SLC17A3: variants seen among roughly 807,000 people sequenced by gnomAD.
SLC17A3 encodes the protein solute carrier family 17 member 3.
Under a neutral mutation model 60.3 loss-of-function variants are expected in SLC17A3, and 61 were observed. The ratio of observed to expected loss-of-function variants is 1.01; its 90% CI spans 0.82 to 1.25. SLC17A3 has a LOEUF of 1.25. Ranked by LOEUF, SLC17A3 falls within the 50% of genes most tolerant of loss-of-function variation. The pLI, the probability that SLC17A3 is intolerant of heterozygous loss-of-function variation, is 0.00. For missense variants in SLC17A3, 624 were observed against 594.9 expected, an observed-to-expected ratio of 1.05 and a Z score of -0.51; for synonymous variants, 192 against 208.9, an observed-to-expected ratio of 0.92 and a Z score of 0.70.
chr6:25,862,073 G>A (rs146475767), intron 3 of SLC17A3, 44 bp from the exon 4 acceptor site: 658 of 1,494,248 alleles, frequency 4.4e-4, no homozygotes, highest in Non-Finnish European at 5.7e-4. Flanking sequence ...ACACAAAAAG[G>A]TTCTTACATA....
At chr6:25,850,706 C>A in intron 7 of SLC17A3, 53 bp downstream of exon 7, 1 of 1,604,358 alleles carries the variant, frequency 6.2e-7, no homozygotes, top group South Asian at 1.1e-5. Context: ...TTTAAGGCCT[C>A]AAGAAAATCC....
At chr6:25,856,494 C>A (rs1179256057) in intron 5 of SLC17A3, among the ~76,000 whole-genome samples, 1 of 152,200 alleles carries the variant, frequency 6.6e-6, no homozygotes, top group Non-Finnish European at 1.5e-5. Context: ...CCATCTTGGC[C>A]TCCCAAAGCA....
intron 5 of SLC17A3, among the ~76,000 whole-genome samples, chr6:25,860,049 C>T (rs1159530827): frequency 1.3e-5 from 2 of 152,098 alleles, no homozygotes; most frequent in Non-Finnish European, 2.9e-5. Context: ...ATTCATACAA[C>T]ATTTGTGTTT....
At chr6:25,865,738 G>C (rs1405453722) in intron 2 of SLC17A3, among the ~76,000 whole-genome samples, 1 of 151,952 alleles carries the variant, frequency 6.6e-6, no homozygotes, top group Non-Finnish European at 1.5e-5. Context: ...CATTCTGAAT[G>C]AACTATACCA....
Position 25,850,864 on chromosome 6 carries a change from A to C in SLC17A3, c.726T>G (p.Cys242Trp). ...FVFYIFGGVG[C>W]VCCLLWFVVI... is the part of the protein sequence containing the mutation. ...CAACAAACCAGAGAAGGCAGCAGACACAGCCAACACCTCCTGTAAGCACAG... is the reference window on the plus strand; with the variant it reads ...CAACAAACCAGAGAAGGCAGCAGACCCAGCCAACACCTCCTGTAAGCACAG... The change falls in exon 7 of 13, where the codon TGT becomes TGG. Residue 242 changes from cysteine (C) to tryptophan (W), a missense_variant. Coordinates refer to ENST00000397060, the MANE Select transcript of SLC17A3 (RefSeq NM_001098486.2). 1.9e-6 allele frequency: 3 copies of C among 1,614,026 alleles called. No individual in the cohort carries two copies. The highest frequency in any genetic ancestry group is 2.5e-6 in the Non-Finnish European group (3 of 1,179,872).
intron 4 of SLC17A3, 32 bp downstream of exon 4, chr6:25,861,764 T>G (rs1216389390): frequency 6.2e-7 from 1 of 1,610,456 alleles, no homozygotes; most frequent in Admixed American, 1.7e-5. Context: ...TAGAAATTCA[T>G]ATCCAACTCA....
At chr6:25,860,657 C>T (rs868758571) in intron 5 of SLC17A3, among the ~76,000 whole-genome samples, 4 of 152,158 alleles carry the variant, frequency 2.6e-5, no homozygotes, top group African/African-American at 9.7e-5. Context: ...ACTTCTGGAA[C>T]CTGCACCCTT....
intron 5 of SLC17A3, among the ~76,000 whole-genome samples, chr6:25,856,205 T>A (rs566366889): frequency 6.6e-6 from 1 of 152,144 alleles, no homozygotes; most frequent in Non-Finnish European, 1.5e-5. Context: ...GCATTTAATA[T>A]CCTCAAAGGT....
At chr6:25,845,549 C>T (rs1581517343) in intron 11 of SLC17A3, 33 bp from the exon 12 acceptor site, 1 of 1,611,790 alleles carries the variant, frequency 6.2e-7, no homozygotes, top group South Asian at 1.1e-5. Context: ...ATATATTACC[C>T]CTTTCATATT....
chr6:25,870,581 G>C (rs548125037), intron 1 of SLC17A3, among the ~76,000 whole-genome samples: 4 of 151,948 alleles, frequency 2.6e-5, no homozygotes, highest in Non-Finnish European at 5.9e-5. Context: ...GAGTTGCCCA[G>C]ATCTATGGCC....
intron 7 of SLC17A3, 40 bp from the exon 8 acceptor site, chr6:25,850,660 G>C (rs936341774): frequency 1.9e-6 from 3 of 1,612,658 alleles, no homozygotes; most frequent in East Asian, 2.2e-5. Context: ...AAATCCGACA[G>C]ATGCTCACAC....
intron 1 of SLC17A3, among the ~76,000 whole-genome samples, chr6:25,870,224 G>T (rs1412170575): frequency 6.6e-6 from 1 of 151,948 alleles, no homozygotes; most frequent in Admixed American, 6.6e-5. Context: ...GGTGTGGCCA[G>T]TACATTTTAA....
chr6:25,860,657 C>G (rs868758571), intron 5 of SLC17A3, among the ~76,000 whole-genome samples: 1 of 152,158 alleles, frequency 6.6e-6, no homozygotes, highest in Admixed American at 6.5e-5. Flanking sequence ...ACTTCTGGAA[C>G]CTGCACCCTT....
intron 5 of SLC17A3, among the ~76,000 whole-genome samples, chr6:25,858,332 A>G (rs1765393086): frequency 6.6e-6 from 1 of 151,884 alleles, no homozygotes; most frequent in Admixed American, 6.6e-5. Flanking sequence ...AACTCCCAAC[A>G]CACCTCCATT....
At position 25,856,799 on chromosome 6, in the gene SLC17A3, A is replaced by T. The variant is rs373379227; in HGVS notation, c.626-1569T>A. On this transcript the variant is annotated intron_variant, in intron 5 of 12. Transcript: ENST00000397060. ...GAGGCGGAGGTTGCAGTGAGCCGAG[A>T]TTGCGCCACTGCACTCCAGCCTGGG... 3.4e-4 allele frequency among the ~76,000 whole-genome samples: 51 copies of T among 150,506 alleles called. No homozygotes were observed. In the East Asian group the frequency reaches 8.9e-3, roughly 26 times the overall value.
chr6:25,848,908 C>G (rs1421745352), intron 11 of SLC17A3, among the ~76,000 whole-genome samples: 1 of 152,102 alleles, frequency 6.6e-6, no homozygotes, highest in African/African-American at 2.4e-5. Flanking sequence ...CAAAAATAAA[C>G]AGTCCCATCA....
intron 1 of SLC17A3, among the ~76,000 whole-genome samples, chr6:25,869,588 G>A (rs1765604188): frequency 6.6e-6 from 1 of 151,938 alleles, no homozygotes; most frequent in Non-Finnish European, 1.5e-5. Context: ...CACGGCTGCG[G>A]AGGCCTCACA....
Position 25,863,887 on chromosome 6 carries a change from T to C in SLC17A3, c.92-1443A>G, listed in dbSNP as rs936648544. Among the ~76,000 whole-genome samples, 8 of 152,014 alleles carry C rather than the reference T, an allele frequency of 5.3e-5. 1 individual carries two copies. The highest frequency in any genetic ancestry group is 5.9e-5 in the Non-Finnish European group (4 of 67,962). On this transcript the variant is annotated intron_variant, in intron 2 of 12. Coordinates refer to ENST00000397060, the MANE Select transcript of SLC17A3 (RefSeq NM_001098486.2). ...ATCAATCACCTCCAATATTGGGCCC[T>C]AGAAGTGTAGCAGCAAACATAGCAC...
intron 2 of SLC17A3, among the ~76,000 whole-genome samples, chr6:25,867,648 TTAAA>T (rs1203534021): frequency 6.6e-6 from 1 of 151,926 alleles, no homozygotes; most frequent in African/African-American, 2.4e-5. Context: ...ACCCTACAAA[TTAAA>T]TATCCAGTCA....
Sources: gnomAD v4.1 joint callset for allele counts (sites outside exome capture counted in the v4.1 genomes callset) on GRCh38, gnomAD v4.1.1 for gene constraint, MANE v1.5 for transcripts, NCBI Gene and HGNC (gene_info 2026-07-23, HGNC 2026-07-21) for gene names.